The following ARHGAP21 variants were observed in gnomAD, a reference collection of about 807,000 sequenced individuals.
The protein encoded by ARHGAP21 is Rho GTPase activating protein 21, also known as rho GTPase-activating protein 21.
ARHGAP21 carries 38 observed loss-of-function variants against 164.6 expected under a neutral mutation model. The observed-to-expected ratio is 0.23, with a 90% CI of 0.18 to 0.30. The LOEUF (loss-of-function observed/expected upper bound fraction) is 0.30. ARHGAP21 is among the 10% of genes least tolerant of loss of function. The pLI is 1.00. For synonymous variants in ARHGAP21, 766 were observed against 857.9 expected (o/e 0.89, Z 1.87); for missense variants, 1,822 against 2,370.7 (o/e 0.77, Z 4.81).
chr10:24,589,484 C>T (rs2076244031), intron 24 of ARHGAP21, 182 bp from the exon 25 acceptor site: 1 of 528,144 alleles, frequency 1.9e-6, no homozygotes, highest in Non-Finnish European at 3.3e-6. Flanking sequence ...AAGCCACCGC[C>T]ATGAAAGGAT....
chr10:24,670,114 T>C, intron 3 of ARHGAP21, 104 bp downstream of exon 3: 1 of 719,194 alleles, frequency 1.4e-6, no homozygotes, highest in Non-Finnish European at 2.1e-6. Context: ...CTTGATTCTT[T>C]TAAGACAGAA....
intron 9 of ARHGAP21, among the ~76,000 whole-genome samples, chr10:24,615,628 G>A (rs1432109852): frequency 1.3e-5 from 2 of 152,196 alleles, no homozygotes; most frequent in African/African-American, 4.8e-5. Context: ...CTCTGAGAGA[G>A]CTTCAGCAAA....
chr10:24,710,261 T>C (rs1344224722), intron 2 of ARHGAP21, among the ~76,000 whole-genome samples: 3 of 152,184 alleles, frequency 2.0e-5, no homozygotes, highest in Non-Finnish European at 4.4e-5. Context: ...AGACATTAAA[T>C]ATTCTCCCTA....
rs57846258 is a variant in ARHGAP21 at position 24,592,156 on chromosome 10, ATTTTTT to A, written c.3877-150_3877-145del. 719 of 213,422 alleles carry A rather than the reference ATTTTTT, an allele frequency of 3.4e-3. 5 individuals are homozygous for A. In the East Asian group the frequency reaches 0.041, roughly 12 times the overall value. The allele number at this position is 213,422 out of a possible 1,614,324, so 13.2% of individuals were successfully genotyped here. On this transcript the variant is annotated intron_variant, in intron 21 of 25. Coordinates refer to ENST00000396432, the MANE Select transcript of ARHGAP21 (RefSeq NM_020824.4). Reference sequence around the variant, plus strand: ...TAAAAAAATAATGCTTTCTAGCAAGATTTTTTTTTTTTTTTTTTTTTTTTTCTGAGA... The same window carrying A: ...TAAAAAAATAATGCTTTCTAGCAAGATTTTTTTTTTTTTTTTTTTCTGAGA...
chr10:24,591,553 G>A, intron 23 of ARHGAP21, 89 bp downstream of exon 23: 5 of 1,509,538 alleles, frequency 3.3e-6, no homozygotes, highest in Non-Finnish European at 4.6e-6. Flanking sequence ...GCGGACAATA[G>A]CAAAGCAGGA....
At chr10:24,700,567 T>C (rs903598622) in intron 2 of ARHGAP21, among the ~76,000 whole-genome samples, 4 of 152,198 alleles carry the variant, frequency 2.6e-5, no homozygotes, top group African/African-American at 9.7e-5. Flanking sequence ...CATGAAAAAT[T>C]GAGGCTTTTC....
At chr10:24,614,932 A>T (rs185860328) in intron 9 of ARHGAP21, among the ~76,000 whole-genome samples, 2 of 152,236 alleles carry the variant, frequency 1.3e-5, no homozygotes, top group East Asian at 3.9e-4. Context: ...CATACCTGTA[A>T]TCCCAGCACT....
chr10:24,656,168 G>A lies in ARHGAP21; in HGVS notation c.268+10817C>T, dbSNP rs1269071840. Among the ~76,000 whole-genome samples, 11 of 142,788 alleles carry A rather than the reference G, an allele frequency of 7.7e-5. No individual in the cohort carries two copies. The East Asian group carries it at 2.4e-3, about 31-fold the overall frequency. 93.7% of individuals were successfully genotyped at this position (142,788 alleles called of 152,430 possible). On this transcript the variant is annotated intron_variant, in intron 4 of 25. Transcript: ENST00000396432. ...ACCCCGTCCGGGAGGGAGGTGGGGG[G>A]GGTCAGCCCCCCGCCCGGCCAGCCG...
Position 24,701,180 on chromosome 10 carries a change from A to AT in ARHGAP21, c.63+20656dup, listed in dbSNP as rs774784828. On this transcript the variant is annotated intron_variant, in intron 2 of 25. Transcript: ENST00000396432. Reference sequence around the variant, plus strand: ...GAGCTTCAGGGAGAAAGCAGTAAAAATTAAAAAAAAAAATGCTCTATGCAG... The same window carrying AT: ...GAGCTTCAGGGAGAAAGCAGTAAAAATTTAAAAAAAAAAATGCTCTATGCAG... Among the ~76,000 whole-genome samples the AT allele has an allele frequency of 9.7e-4, 148 of 152,050 alleles. 1 individual carries two copies. The highest frequency in any genetic ancestry group is 3.5e-3 in the African/African-American group (146 of 41,432).
At chr10:24,686,352 C>T (rs1438983420) in intron 2 of ARHGAP21, among the ~76,000 whole-genome samples, 2 of 151,994 alleles carry the variant, frequency 1.3e-5, no homozygotes, top group African/African-American at 4.8e-5. Flanking sequence ...TCCCTTGAGC[C>T]CAAGAGGTCA....
intron 4 of ARHGAP21, among the ~76,000 whole-genome samples, chr10:24,657,308 AGCCCCCTCGCCC>A (rs1839146294): frequency 3.5e-5 from 1 of 28,484 alleles, no homozygotes; most frequent in Admixed American, 2.8e-4. Flanking sequence ...GGGGGGGGTC[AGCCCCCTCGCCC>A]GGCCAGCCGC....
At position 24,585,024 on chromosome 10, in the gene ARHGAP21, T is replaced by C; in HGVS notation, c.5265A>G (p.Glu1755=). Residue 1755 remains glutamate, a synonymous_variant, in exon 26 of 26, where the codon GAA becomes GAG. Coordinates refer to ENST00000396432, the MANE Select transcript of ARHGAP21 (RefSeq NM_020824.4). ...SLLTPTRGES[E]KQEPTWKTKI... ...TCGTTTTCCATGTGGGTTCCTGTTT[T>C]TCGGATTCGCCTCTGGTGGGTGTCA... 3 of 1,613,962 alleles carry C rather than the reference T, an allele frequency of 1.9e-6. No homozygotes were observed. Among genetic ancestry groups the C allele is most frequent in the Non-Finnish European group, 2.5e-6 (3 of 1,179,868 alleles).
intron 2 of ARHGAP21, among the ~76,000 whole-genome samples, chr10:24,684,301 A>C (rs984668950): frequency 6.6e-6 from 1 of 152,036 alleles, no homozygotes; most frequent in Non-Finnish European, 1.5e-5. Flanking sequence ...GAAAAAAAAA[A>C]CCCAGCAAAA....
chr10:24,711,662 C>A (rs996622527), intron 2 of ARHGAP21, among the ~76,000 whole-genome samples: 1 of 152,118 alleles, frequency 6.6e-6, no homozygotes, highest in Non-Finnish European at 1.5e-5. Flanking sequence ...ATATTTACAA[C>A]AAAACTAGGT....
At chr10:24,709,514 G>A (rs1844562680) in intron 2 of ARHGAP21, among the ~76,000 whole-genome samples, 1 of 152,044 alleles carries the variant, frequency 6.6e-6, no homozygotes, top group Non-Finnish European at 1.5e-5. Flanking sequence ...GAGACGACAG[G>A]ACAGCTTGAG....
At chr10:24,718,808 A>G (rs1010192495) in intron 2 of ARHGAP21, among the ~76,000 whole-genome samples, 2 of 152,228 alleles carry the variant, frequency 1.3e-5, no homozygotes, top group Admixed American at 1.3e-4. Context: ...CATTTGCATT[A>G]GTAAAAAGTT....
intron 2 of ARHGAP21, among the ~76,000 whole-genome samples, chr10:24,695,440 G>A (rs1843095719): frequency 6.6e-6 from 1 of 151,942 alleles, no homozygotes; most frequent in Non-Finnish European, 1.5e-5. Context: ...GTGGTGGCGG[G>A]TGCCTGTAAT....
chr10:24,713,051 T>C (rs1239406092), intron 2 of ARHGAP21, among the ~76,000 whole-genome samples: 2 of 152,114 alleles, frequency 1.3e-5, no homozygotes, highest in Non-Finnish European at 2.9e-5. Context: ...AATGTCTAAA[T>C]ATAATCATAA....
chr10:24,675,637 A>C (rs73606541), intron 2 of ARHGAP21, among the ~76,000 whole-genome samples: 2,032 of 152,268 alleles, frequency 0.013, 37 homozygotes, highest in African/African-American at 0.047. Flanking sequence ...CATGAAATTC[A>C]AGAAAGTGGT....
Sources: allele counts gnomAD v4.1 joint callset (sites outside exome capture counted in the v4.1 genomes callset), GRCh38; gene constraint gnomAD v4.1.1; transcripts MANE v1.5; gene names NCBI Gene and HGNC (gene_info 2026-07-23, HGNC 2026-07-21).